Variants in NBEA observed in about 807,000 individuals in gnomAD.
NBEA encodes the protein lysosomal-trafficking regulator 2.
In NBEA, 44 loss-of-function variants were observed where a neutral mutation model predicts 343.4. The ratio of observed to expected loss-of-function variants is 0.13; its 90% CI spans 0.10 to 0.16. NBEA has a LOEUF of 0.16. NBEA is among the 10% of genes least tolerant of loss of function. NBEA has a pLI of 1.00. For missense variants in NBEA, 2,555 were observed against 3,631.3 expected (o/e 0.70, Z 7.62); for synonymous variants, 1,175 against 1,238.7 (o/e 0.95, Z 1.08).
intron 36 of NBEA, among the ~76,000 whole-genome samples, chr13:35,335,759 G>A (rs2039214872): frequency 6.6e-6 from 1 of 151,914 alleles, no homozygotes; most frequent in African/African-American, 2.4e-5. Context: ...TAAGAGTTTA[G>A]GCAAATAGTG....
chr13:35,584,095 A>T (rs1290118353), intron 46 of NBEA, 57 bp downstream of exon 46: 2 of 1,424,950 alleles, frequency 1.4e-6, no homozygotes, highest in East Asian at 4.6e-5. Flanking sequence ...TAACATAAGT[A>T]AATTAAATAA....
At chr13:35,615,287 CAAAAAAA>C (rs35687768) in intron 48 of NBEA, among the ~76,000 whole-genome samples, 2 of 116,846 alleles carry the variant, frequency 1.7e-5, no homozygotes, top group African/African-American at 3.1e-5. Flanking sequence ...GACCCTGTCT[CAAAAAAA>C]AAAAAAAAAA....
In NBEA at chr13:35,672,347, T is replaced by G. The variant is rs1158678222; in HGVS notation, c.*1356T>G. ...AAGATAAAACAAGATAATGGGTTCT[T>G]TGTATTGGCACTTTGCACCAGAAAC... On this transcript the variant is annotated 3_prime_UTR_variant, in exon 59 of 59. Coordinates refer to ENST00000379939, the MANE Select transcript of NBEA (RefSeq NM_001385012.1). 6.5e-6 allele frequency: 1 copy of G among 152,682 alleles called. No individual in the cohort carries two copies. The highest frequency in any genetic ancestry group is 1.5e-5 in the Non-Finnish European group (1 of 68,042). 9.5% of individuals were successfully genotyped at this position (152,682 alleles called of 1,614,324 possible).
chr13:35,612,689 A>T (rs2082579056), intron 48 of NBEA, among the ~76,000 whole-genome samples: 1 of 152,110 alleles, frequency 6.6e-6, no homozygotes, highest in Non-Finnish European at 1.5e-5. Context: ...TTATACCCCA[A>T]ATTTTTTGAA....
intron 33 of NBEA, among the ~76,000 whole-genome samples, chr13:35,225,107 T>C (rs954235457): frequency 3.9e-5 from 6 of 152,204 alleles, no homozygotes; most frequent in Non-Finnish European, 8.8e-5. Context: ...CACTATGTAG[T>C]CCCTTCTGCA....
chr13:35,598,598 C>G (rs1473420711), intron 47 of NBEA, among the ~76,000 whole-genome samples: 1 of 152,146 alleles, frequency 6.6e-6, no homozygotes, highest in Non-Finnish European at 1.5e-5. Context: ...TTAGAAAAAG[C>G]TAATACTCAC....
chr13:35,165,751 C>G (rs951465560), intron 24 of NBEA, among the ~76,000 whole-genome samples: 3 of 149,252 alleles, frequency 2.0e-5, no homozygotes, highest in Non-Finnish European at 3.0e-5. Flanking sequence ...GTAGGGCGAT[C>G]TCAGCTCACT....
intron 36 of NBEA, among the ~76,000 whole-genome samples, chr13:35,332,138 G>T (rs1457319914): frequency 6.6e-6 from 1 of 151,924 alleles, no homozygotes; most frequent in East Asian, 1.9e-4. Context: ...AATCATACTG[G>T]ATACTGAGAT....
Position 35,266,558 on chromosome 13 carries a change from T to G in NBEA, c.5777-23831T>G, listed in dbSNP as rs59951146. On this transcript the variant is annotated intron_variant, in intron 34 of 58. Transcript: ENST00000379939. ...ACAGCATGGAAGAACCTGGGAGACA[T>G]TATGTTAAATGAAGTAAGCCAGGCA... 6.4e-3 allele frequency among the ~76,000 whole-genome samples: 975 copies of G among 151,786 alleles called. 11 individuals are homozygous for G. The highest frequency in any genetic ancestry group is 0.023 in the African/African-American group (934 of 41,474).
At chr13:35,335,795 A>G (rs1173112984) in intron 36 of NBEA, among the ~76,000 whole-genome samples, 1 of 152,108 alleles carries the variant, frequency 6.6e-6, no homozygotes, top group Non-Finnish European at 1.5e-5. Context: ...TGGGAGGAAC[A>G]GCTTGGAAAT....
chr13:35,185,382 AT>A (rs1175043477), intron 30 of NBEA: 1 of 152,154 alleles, frequency 6.6e-6, no homozygotes, highest in East Asian at 1.9e-4. Flanking sequence ...CTAGCAAAAT[AT>A]TTTTGTTACA....
intron 39 of NBEA, among the ~76,000 whole-genome samples, chr13:35,437,178 G>T (rs564942169): frequency 2.0e-5 from 3 of 152,108 alleles, no homozygotes; most frequent in African/African-American, 7.2e-5. Context: ...AATTACAGTT[G>T]CATTTTCATG....
chr13:35,488,475 G>T (rs1004743738), intron 41 of NBEA, among the ~76,000 whole-genome samples: 4 of 151,720 alleles, frequency 2.6e-5, no homozygotes, highest in Admixed American at 2.6e-4. Flanking sequence ...ATTTTGCTTT[G>T]TCAATAAATT....
chr13:35,515,287 T>C (rs1042445941), intron 41 of NBEA, among the ~76,000 whole-genome samples: 3 of 152,176 alleles, frequency 2.0e-5, no homozygotes, highest in Non-Finnish European at 4.4e-5. Flanking sequence ...TTTTGTACTC[T>C]TTGCTCCTGA....
intron 36 of NBEA, among the ~76,000 whole-genome samples, chr13:35,312,517 A>G (rs2037437067): frequency 6.6e-6 from 1 of 152,222 alleles, no homozygotes; most frequent in Non-Finnish European, 1.5e-5. Flanking sequence ...GGCAAAGGTC[A>G]TGCCATGAAA....
intron 14 of NBEA, 118 bp downstream of exon 14, chr13:35,117,611 A>G: frequency 5.3e-6 from 2 of 377,296 alleles, no homozygotes; most frequent in Non-Finnish European, 4.5e-6. Flanking sequence ...TGCTTTCAAA[A>G]TTCTCCACAT....
chr13:35,207,931 C>T (rs1276188377), intron 31 of NBEA, among the ~76,000 whole-genome samples: 3 of 152,024 alleles, frequency 2.0e-5, no homozygotes, highest in Non-Finnish European at 4.4e-5. Flanking sequence ...TAGAATTTGG[C>T]ATTTAAAGTC....
intron 41 of NBEA, among the ~76,000 whole-genome samples, chr13:35,539,841 G>C (rs943673632): frequency 6.8e-6 from 1 of 146,696 alleles, no homozygotes; most frequent in African/African-American, 2.5e-5. Flanking sequence ...GCGTGAACCC[G>C]GGAGGCGGAG....
intron 36 of NBEA, among the ~76,000 whole-genome samples, chr13:35,320,877 G>A (rs2152840351): frequency 6.6e-6 from 1 of 151,570 alleles, no homozygotes; most frequent in South Asian, 2.1e-4. Flanking sequence ...TCTGCTTGAT[G>A]TATTCGGCTA....
Sources: gnomAD v4.1 joint callset for allele counts (sites outside exome capture counted in the v4.1 genomes callset) on GRCh38, gnomAD v4.1.1 for gene constraint, MANE v1.5 for transcripts, NCBI Gene and HGNC (gene_info 2026-07-23, HGNC 2026-07-21) for gene names.